Variants in FREM1 observed in about 807,000 individuals in gnomAD.
The protein encoded by FREM1 is FRAS1-related extracellular matrix protein 1.
FREM1 carries 220 observed loss-of-function variants against 210.1 expected under a neutral mutation model. The observed-to-expected ratio is 1.05, with a 90% CI of 0.94 to 1.17. The LOEUF (loss-of-function observed/expected upper bound fraction) is 1.17, where lower values mean the gene tolerates loss of function less well. Among genes scored for constraint, FREM1 ranks in the 50% most tolerant of loss-of-function variants. The pLI, the probability that FREM1 is intolerant of heterozygous loss-of-function variation, is 0.00. For missense variants in FREM1, 3,454 were observed against 2,675.5 expected, an observed-to-expected ratio of 1.29 and a Z score of -6.42; for synonymous variants, 1,189 against 980.2, an observed-to-expected ratio of 1.21 and a Z score of -3.98.
chr9:14,868,929 G>T lies in FREM1; in HGVS notation c.49C>A (p.Leu17Ile). ...AAGGTGGGGCTGGCCCAGGCCAGGA[G>T]GAGCAGCAGCAGCACGGCATTCGCA... is the stretch of plus-strand genomic sequence containing the variant. ...GAANAVLLLL[L>I]LAWASPTFIS... Residue 17 changes from leucine (L) to isoleucine (I), a missense_variant, in exon 2 of 37, where the codon CTC (leucine) becomes ATC (isoleucine). Leu to Ile is a conservative substitution (Grantham distance 5). Coordinates refer to ENST00000380880, the MANE Select transcript of FREM1 (RefSeq NM_001379081.2). The T allele has an allele frequency of 6.2e-7, 1 of 1,602,698 alleles. No homozygotes were observed.
chr9:14,811,669 G>A (rs185952638), intron 16 of FREM1, among the ~76,000 whole-genome samples: 79 of 152,260 alleles, frequency 5.2e-4, no homozygotes, highest in Admixed American at 5.1e-3. Context: ...GACATCTGGT[G>A]TTCCAATAAA....
chr9:14,909,152 T>A (rs1226330245), intron 1 of FREM1, among the ~76,000 whole-genome samples: 1 of 152,082 alleles, frequency 6.6e-6, no homozygotes, highest in Non-Finnish European at 1.5e-5. Flanking sequence ...TTTTTAAGCT[T>A]TGTAATGCAC....
intron 21 of FREM1, 121 bp downstream of exon 21, chr9:14,797,377 G>A: frequency 1.5e-6 from 1 of 679,328 alleles, no homozygotes; most frequent in Admixed American, 3.6e-5. Flanking sequence ...GCAGGGGCAA[G>A]CTGTGACAGG....
At chr9:14,856,028 G>T (rs539840990) in intron 5 of FREM1, among the ~76,000 whole-genome samples, 22 of 152,206 alleles carry the variant, frequency 1.4e-4, no homozygotes, top group African/African-American at 5.3e-4. Context: ...TATAAAATAG[G>T]AAGCTTGAGC....
chr9:14,896,358 C>T lies in FREM1; in HGVS notation c.-268+13556G>A, dbSNP rs868290595. On this transcript the variant is annotated intron_variant, in intron 1 of 36. Coordinates refer to ENST00000380880, the MANE Select transcript of FREM1 (RefSeq NM_001379081.2). ...CAGGAGTTCGAGACCAGCCTGACCA[C>T]CATGGTGAAACTCCATCTCTACTAA... Among the ~76,000 whole-genome samples, 22 of 152,026 alleles carry T rather than the reference C, an allele frequency of 1.4e-4. 1 individual carries two copies. The highest frequency in any genetic ancestry group is 3.4e-3 in the Middle Eastern group (1 of 294).
At chr9:14,808,981 G>A (rs116955778) in intron 16 of FREM1, among the ~76,000 whole-genome samples, 165 of 152,306 alleles carry the variant, frequency 1.1e-3, no homozygotes, top group Non-Finnish European at 2.1e-3. Context: ...GCAGTGATAC[G>A]GTTTGGTTGT....
chr9:14,811,270 G>A (rs539071284), intron 16 of FREM1, among the ~76,000 whole-genome samples: 5 of 152,138 alleles, frequency 3.3e-5, no homozygotes, highest in South Asian at 4.1e-4. Context: ...TAATAGTCCC[G>A]TCTATGGCTG....
chr9:14,788,931 C>T lies in FREM1; in HGVS notation c.4165G>A (p.Asp1389Asn). Residue 1389 changes from aspartate to asparagine, a missense_variant, in exon 23 of 37, where the codon GAC becomes AAC. Asp to Asn is a conservative substitution (Grantham distance 23, BLOSUM62 1). Transcript: ENST00000380880. The stretch of plus-strand genomic sequence containing the variant: ...GACGTGCTTTTACCTTTTTCCATGT[C>T]CTTGATGGTGATTTGACAGTCAAGA... Reference protein sequence around the residue: ...PALDCQITIKDMEKGDIVILT... With the variant: ...PALDCQITIKNMEKGDIVILT... The T allele has an allele frequency of 6.2e-7, 1 of 1,611,766 alleles. No homozygotes were observed. The highest frequency in any genetic ancestry group is 8.5e-7 in the Non-Finnish European group (1 of 1,178,954).
At chr9:14,857,050 G>T (rs1828890734) in intron 5 of FREM1, among the ~76,000 whole-genome samples, 1 of 152,106 alleles carries the variant, frequency 6.6e-6, no homozygotes, top group South Asian at 2.1e-4. Context: ...GGAGGTCTTT[G>T]GGAGCCTGTC....
At chr9:14,747,075 G>C (rs777270214) in intron 33 of FREM1, 24 bp from the exon 34 acceptor site, 1 of 1,612,774 alleles carries the variant, frequency 6.2e-7, no homozygotes, top group East Asian at 2.2e-5. Context: ...AGGCAATTTA[G>C]CAATTTAGAA....
intron 1 of FREM1, among the ~76,000 whole-genome samples, chr9:14,892,735 C>G (rs1007895104): frequency 2.6e-5 from 4 of 152,150 alleles, no homozygotes; most frequent in Admixed American, 6.5e-5. Flanking sequence ...CTTCTACTGA[C>G]AAGCTGCCGC....
chr9:14,888,115 G>A (rs10961769), intron 1 of FREM1, among the ~76,000 whole-genome samples: 22,301 of 152,128 alleles, frequency 0.15, 1,999 homozygotes, highest in East Asian at 0.47. Flanking sequence ...ACATTTATAC[G>A]TGTTTACTAT....
intron 18 of FREM1, among the ~76,000 whole-genome samples, chr9:14,806,042 A>T (rs879669825): frequency 6.6e-6 from 1 of 152,162 alleles, no homozygotes; most frequent in Admixed American, 6.5e-5. Context: ...TCACTCTCTC[A>T]TGGTATCCTG....
chr9:14,842,561 C>T lies in FREM1; in HGVS notation c.1493G>A (p.Arg498Gln), dbSNP rs184394424. ...GATGCTGTGATGGCCATCAAATATCCGGAAGACCACGAAGTCTTTGGTGGA... is the reference window on the plus strand; with the variant it reads ...GATGCTGTGATGGCCATCAAATATCTGGAAGACCACGAAGTCTTTGGTGGA... ...SDSTKDFVVFRIFDGHHSIRH... is the reference protein window; with the variant it reads ...SDSTKDFVVFQIFDGHHSIRH... The change falls in exon 9 of 37, where the codon CGG becomes CAG. Residue 498 changes from arginine to glutamine, a missense_variant. Physicochemically the swap from Arg to Gln is conservative, Grantham distance 43. Transcript: ENST00000380880. 477 of 1,613,926 alleles carry T rather than the reference C, an allele frequency of 3.0e-4. 2 individuals carry two copies. Among genetic ancestry groups the T allele is most frequent in the African/African-American group, 2.6e-3 (198 of 75,026 alleles).
rs1044575278 is a variant in FREM1, at chr9:14,804,754, C to A, written c.3471+202G>T. Reference sequence around the variant, plus strand: ...TTTCTCTCTCATAATTACTGAAGGGCTCTCCAGAGAAATCCATGTGCCAAC... The same window carrying A: ...TTTCTCTCTCATAATTACTGAAGGGATCTCCAGAGAAATCCATGTGCCAAC... On this transcript the variant is annotated intron_variant, in intron 19 of 36. Transcript: ENST00000380880. 2.6e-5 allele frequency among the ~76,000 whole-genome samples: 4 copies of A among 152,058 alleles called. No individual in the cohort carries two copies. In the South Asian group the frequency reaches 8.3e-4, roughly 32 times the overall value.
chr9:14,780,539 G>C (rs991022824), intron 24 of FREM1, among the ~76,000 whole-genome samples: 1 of 151,788 alleles, frequency 6.6e-6, no homozygotes, highest in Non-Finnish European at 1.5e-5. Flanking sequence ...TAATCACTCG[G>C]TGTCATCTGT....
At chr9:14,906,530 G>C (rs1817733755) in intron 1 of FREM1, among the ~76,000 whole-genome samples, 1 of 152,214 alleles carries the variant, frequency 6.6e-6, no homozygotes, top group Non-Finnish European at 1.5e-5. Context: ...TACTATGAAA[G>C]AGATTTGATA....
intron 1 of FREM1, among the ~76,000 whole-genome samples, chr9:14,904,446 G>C (rs979354281): frequency 7.9e-5 from 12 of 152,218 alleles, no homozygotes; most frequent in African/African-American, 2.9e-4. Context: ...GAGCCAGTAA[G>C]TTAGCTTCCA....
At chr9:14,894,644 T>C (rs1472989077) in intron 1 of FREM1, among the ~76,000 whole-genome samples, 1 of 152,198 alleles carries the variant, frequency 6.6e-6, no homozygotes, top group Non-Finnish European at 1.5e-5. Context: ...TAATCCTTTG[T>C]TTTGTTTTTT....
Sources: gnomAD v4.1 joint callset for allele counts (sites outside exome capture counted in the v4.1 genomes callset) on GRCh38, gnomAD v4.1.1 for gene constraint, MANE v1.5 for transcripts, NCBI Gene and HGNC (gene_info 2026-07-23, HGNC 2026-07-21) for gene names.